Variants in SLMAP observed in about 807,000 individuals in gnomAD.
SLMAP encodes the protein sarcolemmal membrane-associated protein.
Under a neutral mutation model 128.8 loss-of-function variants are expected in SLMAP, and 44 were observed. The ratio of observed to expected loss-of-function variants is 0.34; its 90% CI spans 0.27 to 0.44. The LOEUF (loss-of-function observed/expected upper bound fraction) is 0.44, where lower values mean the gene tolerates loss of function less well. Among genes scored for constraint, SLMAP ranks in the 20% least tolerant of loss-of-function variants. The probability of loss-of-function intolerance (pLI) is 1.00; values close to 1 mark genes in which losing one functional copy is unlikely to be tolerated. For synonymous variants in SLMAP, 327 were observed against 348.8 expected (o/e 0.94, Z 0.70); for missense variants, 787 against 985.3 (o/e 0.80, Z 2.69).
At chr3:57,872,584 A>G (rs1042263212) in intron 14 of SLMAP, among the ~76,000 whole-genome samples, 3 of 152,192 alleles carry the variant, frequency 2.0e-5, no homozygotes, top group Non-Finnish European at 4.4e-5. Context: ...GTGCCACTGC[A>G]CTCCAGCCTG....
chr3:57,894,494 G>A (rs1162310322), intron 15 of SLMAP, among the ~76,000 whole-genome samples: 4 of 151,968 alleles, frequency 2.6e-5, no homozygotes, highest in Non-Finnish European at 4.4e-5. Context: ...ACTAGAAGTG[G>A]GCATGCATGT....
intron 14 of SLMAP, among the ~76,000 whole-genome samples, chr3:57,883,083 T>G (rs2095790745): frequency 6.6e-6 from 1 of 152,198 alleles, no homozygotes; most frequent in South Asian, 2.1e-4. Context: ...TGGTGCATAG[T>G]AAATATTTGA....
chr3:57,872,174 C>T (rs949451426), intron 14 of SLMAP, among the ~76,000 whole-genome samples: 4 of 152,128 alleles, frequency 2.6e-5, no homozygotes, highest in East Asian at 1.9e-4. Flanking sequence ...TGGTGGCGCA[C>T]GCCTATAATC....
At chr3:57,829,181 GTA>G (rs1302616038) in intron 2 of SLMAP, among the ~76,000 whole-genome samples, 2 of 152,036 alleles carry the variant, frequency 1.3e-5, no homozygotes, top group Non-Finnish European at 2.9e-5. Flanking sequence ...TATATATGTT[GTA>G]TATATATGTA....
At chr3:57,803,586 TAAAG>T (rs2089113974) in intron 2 of SLMAP, among the ~76,000 whole-genome samples, 1 of 152,208 alleles carries the variant, frequency 6.6e-6, no homozygotes, top group African/African-American at 2.4e-5. Flanking sequence ...ACTGTATAAA[TAAAG>T]GAAGAAATAA....
At chr3:57,766,372 T>C (rs1048354271) in intron 2 of SLMAP, among the ~76,000 whole-genome samples, 1 of 152,044 alleles carries the variant, frequency 6.6e-6, no homozygotes, top group Non-Finnish European at 1.5e-5. Context: ...TTATTCTTTT[T>C]GGTAAGTAGG....
rs1380307876 is a variant in SLMAP, at chr3:57,778,754, G to T, written c.198+20905G>T. 2.6e-5 allele frequency among the ~76,000 whole-genome samples: 4 copies of T among 151,632 alleles called. 1 individual carries two copies. Among genetic ancestry groups the T allele is most frequent in the Admixed American group, 1.3e-4 (2 of 15,188 alleles). On this transcript the variant is annotated intron_variant, in intron 2 of 24. Transcript: ENST00000671191. ...CCATGCCTGGCTAATTTTAAAATTTGTGGTAGAGATAGGGGCTCTGTATGT... is the reference window on the plus strand; with the variant it reads ...CCATGCCTGGCTAATTTTAAAATTTTTGGTAGAGATAGGGGCTCTGTATGT...
chr3:57,853,131 G>A (rs1055504331), intron 6 of SLMAP, among the ~76,000 whole-genome samples: 1 of 152,164 alleles, frequency 6.6e-6, no homozygotes, highest in Non-Finnish European at 1.5e-5. Context: ...ATGGTTGGTT[G>A]ATGGTTTTGT....
In SLMAP at chr3:57,912,456, A is replaced by G; in HGVS notation, c.1775A>G (p.Asp592Gly). The G allele has an allele frequency of 6.2e-7, 1 of 1,614,166 alleles. No homozygotes were observed. Among genetic ancestry groups the G allele is most frequent in the South Asian group, 1.1e-5 (1 of 91,074 alleles). Residue 592 changes from aspartate to glycine, a missense_variant, in exon 20 of 25, where the codon GAT becomes GGT. Asp to Gly is a moderately conservative substitution (Grantham distance 94). Around this residue, in one of 2 missense-constraint regions of SLMAP, gnomAD observed 715 missense variants for 843.6 expected, o/e 0.85. Coordinates refer to ENST00000671191, the MANE Select transcript of SLMAP (RefSeq NM_001377540.1). ...GACAGTGAAATCACAAGTACTAGAG[A>G]TGAATTGCTTAGTGCCCGAGATGAA... is the stretch of plus-strand genomic sequence containing the variant. ...EKDSEITSTR[D>G]ELLSARDEIL...
intron 17 of SLMAP, among the ~76,000 whole-genome samples, chr3:57,907,109 C>T (rs971854809): frequency 1.3e-5 from 2 of 152,042 alleles, no homozygotes; most frequent in East Asian, 1.9e-4. Flanking sequence ...CTCACTGCAA[C>T]GTCTGCCTCT....
chr3:57,795,278 G>A (rs1478164091), intron 2 of SLMAP, among the ~76,000 whole-genome samples: 1 of 152,142 alleles, frequency 6.6e-6, no homozygotes, highest in Non-Finnish European at 1.5e-5. Context: ...GGTGGCTCAC[G>A]CCTGTAATCC....
chr3:57,833,397 C>T (rs2093451970), intron 3 of SLMAP, among the ~76,000 whole-genome samples: 1 of 151,820 alleles, frequency 6.6e-6, no homozygotes, highest in Non-Finnish European at 1.5e-5. Context: ...TTCAAGGTTC[C>T]TCTTAGTATA....
chr3:57,824,277 T>G (rs1031421816), intron 2 of SLMAP, among the ~76,000 whole-genome samples: 1 of 152,066 alleles, frequency 6.6e-6, no homozygotes, highest in Non-Finnish European at 1.5e-5. Flanking sequence ...AAGGGACTTA[T>G]GAGAAGACAT....
chr3:57,831,049 A>C (rs982482860), intron 2 of SLMAP, among the ~76,000 whole-genome samples: 2 of 152,128 alleles, frequency 1.3e-5, no homozygotes, highest in African/African-American at 2.4e-5. Context: ...AGAAGTTTTT[A>C]TGAGAACATG....
At chr3:57,793,051 A>G (rs191186079) in intron 2 of SLMAP, among the ~76,000 whole-genome samples, 210 of 152,224 alleles carry the variant, frequency 1.4e-3, no homozygotes, top group African/African-American at 4.8e-3. Context: ...AAGTGGGAGG[A>G]TCACTTGAGT....
At chr3:57,916,104 C>T (rs1004886514) in intron 21 of SLMAP, among the ~76,000 whole-genome samples, 10 of 150,534 alleles carry the variant, frequency 6.6e-5, no homozygotes, top group Admixed American at 6.0e-4. Context: ...TGCAGTGAGC[C>T]GAGATCACAC....
intron 14 of SLMAP, among the ~76,000 whole-genome samples, chr3:57,871,964 TTAAA>T (rs1490408585): frequency 6.6e-6 from 1 of 152,220 alleles, no homozygotes; most frequent in East Asian, 1.9e-4. Context: ...TTTGAGGTTC[TTAAA>T]TAAATTTCTT....
intron 23 of SLMAP, 107 bp from the exon 24 acceptor site, chr3:57,925,738 T>C: frequency 2.7e-6 from 2 of 734,450 alleles, no homozygotes; most frequent in East Asian, 2.7e-5. Flanking sequence ...GGTATACTTC[T>C]ATTATTTCAT....
rs1553881559 is a variant in SLMAP, at chr3:57,854,068, T to TTTTA, written c.520-3664_520-3663insTTAT. ...ATATACACATAACATATATAACACATTATATATATATATTATGTGTAAATA... is the reference window on the plus strand; with the variant it reads ...ATATACACATAACATATATAACACATTTTATATATATATATATTATGTGTAAATA... On this transcript the variant is annotated intron_variant, in intron 6 of 24. Transcript: ENST00000671191. Among the ~76,000 whole-genome samples the TTTTA allele has an allele frequency of 8.9e-5, 11 of 124,098 alleles. No homozygotes were observed. In the East Asian group the frequency reaches 2.0e-3, roughly 23 times the overall value. 81.4% of individuals were successfully genotyped at this position (124,098 alleles called of 152,430 possible). A position where few individuals can be genotyped will look rare whatever the true frequency, so the allele number is the denominator to read the frequency against.
Sources: gnomAD v4.1 joint callset for allele counts (sites outside exome capture counted in the v4.1 genomes callset) on GRCh38, gnomAD v4.1.1 for gene constraint, gnomAD v4.1.1 regional missense constraint, MANE v1.5 for transcripts, NCBI Gene and HGNC (gene_info 2026-07-23, HGNC 2026-07-21) for gene names.